Variants in PCDHGA1 observed in about 807,000 individuals in gnomAD.
The protein encoded by PCDHGA1 is protocadherin gamma-A1.
PCDHGA1 carries 32 observed loss-of-function variants against 58.0 expected under a neutral mutation model. That is an observed-to-expected ratio of 0.55 (90% CI 0.42 to 0.74). PCDHGA1 has a LOEUF of 0.74. Ranked by LOEUF, PCDHGA1 falls within the 30% of genes least tolerant of loss-of-function variation. The pLI is 0.00. For missense variants in PCDHGA1, 1,205 were observed against 1,182.3 expected (o/e 1.02, Z -0.28); for synonymous variants, 498 against 501.1 (o/e 0.99, Z 0.08).
At chr5:141,471,075 G>T (rs574363005) in intron 1 of PCDHGA1, among the ~76,000 whole-genome samples, 1 of 143,346 alleles carries the variant, frequency 7.0e-6, no homozygotes, top group East Asian at 2.0e-4. Context: ...TTGAGACAGG[G>T]TCTCCCTCTG....
chr5:141,399,946 G>A (rs911365297), intron 1 of PCDHGA1: 1 of 1,612,270 alleles, frequency 6.2e-7, no homozygotes, highest in African/African-American at 1.3e-5. Context: ...CGTGCTGCAG[G>A]CTAGCGAGCC....
chr5:141,439,131 T>A (rs2098090046), intron 1 of PCDHGA1, among the ~76,000 whole-genome samples: 1 of 150,502 alleles, frequency 6.6e-6, no homozygotes, highest in Non-Finnish European at 1.5e-5. Flanking sequence ...AGACAGAGGT[T>A]GCAGTGAGCT....
At chr5:141,381,987 G>A (rs896707419) in intron 1 of PCDHGA1, among the ~76,000 whole-genome samples, 9 of 151,320 alleles carry the variant, frequency 5.9e-5, no homozygotes, top group Non-Finnish European at 1.2e-4. Context: ...GCGCCACCAC[G>A]CCCGGATAAT....
At chr5:141,407,985 A>C in intron 1 of PCDHGA1, 6 of 789,616 alleles carry the variant, frequency 7.6e-6, no homozygotes, top group Non-Finnish European at 1.1e-5. Flanking sequence ...GGGATCCGTC[A>C]GCCTCTGGCC....
At chr5:141,382,873 C>G (rs1338163064) in intron 1 of PCDHGA1, 4 of 1,522,326 alleles carry the variant, frequency 2.6e-6, no homozygotes, top group Non-Finnish European at 3.5e-6. Context: ...CCGAGATCGG[C>G]GCCTAAGCAA....
At chr5:141,468,758 C>G (rs929005462) in intron 1 of PCDHGA1, among the ~76,000 whole-genome samples, 1 of 151,802 alleles carries the variant, frequency 6.6e-6, no homozygotes, top group Admixed American at 6.6e-5. Context: ...CCCAGCTACT[C>G]GGGAGGCTGA....
At chr5:141,382,129 C>T (rs1174612163) in intron 1 of PCDHGA1, among the ~76,000 whole-genome samples, 2 of 152,012 alleles carry the variant, frequency 1.3e-5, no homozygotes, top group African/African-American at 2.4e-5. Flanking sequence ...CACCTGGCCC[C>T]CCCTCTCATT....
chr5:141,408,796 A>G (rs2154540634), intron 1 of PCDHGA1: 1 of 1,612,808 alleles, frequency 6.2e-7, no homozygotes, highest in Non-Finnish European at 8.5e-7. Context: ...CTCTGGAGAA[A>G]CTCCTAGACC....
chr5:141,370,949 C>T (rs1317760178), intron 1 of PCDHGA1: 2 of 1,613,980 alleles, frequency 1.2e-6, no homozygotes, highest in Non-Finnish European at 8.5e-7. Flanking sequence ...AGAAGGAGAA[C>T]CTGGATGGCA....
chr5:141,369,242 A>G (rs1766108609), intron 1 of PCDHGA1, among the ~76,000 whole-genome samples: 1 of 152,200 alleles, frequency 6.6e-6, no homozygotes, highest in South Asian at 2.1e-4. Flanking sequence ...TTACTTATAT[A>G]ATTAAATAAT....
intron 1 of PCDHGA1, chr5:141,410,801 A>T: frequency 3.4e-6 from 2 of 587,936 alleles, no homozygotes; most frequent in South Asian, 3.5e-5. Context: ...AAGTTGCTCT[A>T]TCTTTTTGTA....
At chr5:141,375,010 T>G in intron 1 of PCDHGA1, 2 of 1,614,050 alleles carry the variant, frequency 1.2e-6, no homozygotes, top group Non-Finnish European at 1.7e-6. Flanking sequence ...ATCTAGACTA[T>G]GAGGACTCGA....
chr5:141,341,567 A>G, intron 1 of PCDHGA1: 1 of 1,293,048 alleles, frequency 7.7e-7, no homozygotes, highest in Non-Finnish European at 1.0e-6. Context: ...AGGCTGTAAG[A>G]GGAAGAAGAG....
At chr5:141,376,392 TC>T (rs1163075559) in intron 1 of PCDHGA1, 5 of 1,614,092 alleles carry the variant, frequency 3.1e-6, no homozygotes, top group Non-Finnish European at 4.2e-6. Flanking sequence ...CATCTGATTT[TC>T]CCCCAGCCCA....
chr5:141,357,363 G>T (rs1169446996), intron 1 of PCDHGA1: 1 of 1,614,040 alleles, frequency 6.2e-7, no homozygotes, highest in African/African-American at 1.3e-5. Context: ...GCTGGCACAA[G>T]TCACGCCTGC....
rs761384663 is a variant in PCDHGA1 at position 141,331,843 on chromosome 5, C to T, written c.1159C>T (p.Pro387Ser). Residue 387 changes from proline (P) to serine (S), a missense_variant, in exon 1 of 4, where the codon CCT becomes TCT. Physicochemically the swap from Pro to Ser is moderately conservative, Grantham distance 74. Coordinates refer to ENST00000517417, the MANE Select transcript of PCDHGA1 (RefSeq NM_018912.3). The stretch of plus-strand genomic sequence containing the variant: ...CAATGGCTACACCACATGTTTCATT[C>T]CTGGAAATTTACCCTTTAAATTGGA... ...GDNGYTTCFI[P>S]GNLPFKLEKL... 3 of 1,614,106 alleles carry T rather than the reference C, an allele frequency of 1.9e-6. No homozygotes were observed. The highest frequency in any genetic ancestry group is 1.1e-5 in the South Asian group (1 of 91,082).
intron 1 of PCDHGA1, chr5:141,374,427 A>C: frequency 6.2e-7 from 1 of 1,613,980 alleles, no homozygotes; most frequent in Non-Finnish European, 8.5e-7. Flanking sequence ...GATAAACTGA[A>C]TCTTTATCCC....
rs577475018 is a variant in PCDHGA1, at chr5:141,332,620, G to T, written c.1936G>T (p.Val646Phe). ...GCTCAAGCAGAGTCTCGTGGTGGCCGTCCAGGACCACGGCCAGCCCCCGCT... is the reference window on the plus strand; with the variant it reads ...GCTCAAGCAGAGTCTCGTGGTGGCCTTCCAGGACCACGGCCAGCCCCCGCT... ...DALKQSLVVA[V>F]QDHGQPPLSA... Residue 646 changes from valine (V) to phenylalanine (F), a missense_variant, in exon 1 of 4, where the codon GTC becomes TTC. Physicochemically the swap from Val to Phe is conservative, Grantham distance 50. Transcript: ENST00000517417. The surrounding 1 kb of genome is among the most constrained non-coding windows in gnomAD (Gnocchi z 4.6). 4 of 1,612,634 alleles carry T rather than the reference G, an allele frequency of 2.5e-6. No individual in the cohort carries two copies. Among genetic ancestry groups the T allele is most frequent in the Non-Finnish European group, 3.4e-6 (4 of 1,179,786 alleles).
Position 141,477,256 on chromosome 5 carries a change from T to G in PCDHGA1, c.2422-17551T>G. 2 of 1,614,210 alleles carry G rather than the reference T, an allele frequency of 1.2e-6. No homozygotes were observed. The highest frequency in any genetic ancestry group is 1.7e-6 in the Non-Finnish European group (2 of 1,180,038). On this transcript the variant is annotated intron_variant, in intron 1 of 3. Coordinates refer to ENST00000517417, the MANE Select transcript of PCDHGA1 (RefSeq NM_018912.3). This position sits in a 1 kb window ranked among gnomAD's most constrained non-coding sequence, Gnocchi z 4.9. Reference sequence around the variant, plus strand: ...CTTTGCTCAGTGTGACTGACCTGGATGCTGGCGAGAACGGGCTGGTGACCT... The same window carrying G: ...CTTTGCTCAGTGTGACTGACCTGGAGGCTGGCGAGAACGGGCTGGTGACCT...
Sources: allele counts gnomAD v4.1 joint callset (sites outside exome capture counted in the v4.1 genomes callset), GRCh38; gene constraint gnomAD v4.1.1; non-coding constraint Gnocchi (gnomAD v3.1); transcripts MANE v1.5; gene names NCBI Gene and HGNC (gene_info 2026-07-23, HGNC 2026-07-21).